Variants in DOCK5 observed in about 807,000 individuals in gnomAD.
The protein encoded by DOCK5 is dedicator of cytokinesis 5.
A neutral mutation model predicts 251.8 loss-of-function variants in DOCK5; 142 were observed. That is an observed-to-expected ratio of 0.56 (90% CI 0.49 to 0.65). DOCK5 has a LOEUF of 0.65. Ranked by LOEUF, DOCK5 falls within the 30% of genes least tolerant of loss-of-function variation. The probability of loss-of-function intolerance (pLI) is 0.00; values close to 1 mark genes in which losing one functional copy is unlikely to be tolerated. For synonymous variants in DOCK5, 842 were observed against 835.5 expected (o/e 1.01, Z -0.13); for missense variants, 2,111 against 2,312.3 (o/e 0.91, Z 1.79).
intron 2 of DOCK5, among the ~76,000 whole-genome samples, chr8:25,264,060 G>A (rs986619323): frequency 6.6e-6 from 1 of 151,818 alleles, no homozygotes; most frequent in Admixed American, 6.6e-5. Flanking sequence ...AGCAACTCCT[G>A]TTGATTCATA....
At chr8:25,392,913 AAACTTTC>A in intron 44 of DOCK5, 31 bp downstream of exon 44, 1 of 1,548,120 alleles carries the variant, frequency 6.5e-7, no homozygotes, top group Non-Finnish European at 8.8e-7. Context: ...ATTTAGAAAA[AAACTTTC>A]TGTTTCCAAA....
At chr8:25,192,302 G>C (rs1350546977) in intron 1 of DOCK5, among the ~76,000 whole-genome samples, 1 of 152,046 alleles carries the variant, frequency 6.6e-6, no homozygotes, top group Admixed American at 6.6e-5. Context: ...GGGATGGCTG[G>C]GTCAAATGGT....
At position 25,319,580 on chromosome 8, in the gene DOCK5, A is replaced by G. The variant is rs1422465330; in HGVS notation, c.1446A>G (p.Lys482=). The G allele has an allele frequency of 6.4e-7, 1 of 1,573,682 alleles. No homozygotes were observed. The highest frequency in any genetic ancestry group is 1.2e-5 in the South Asian group (1 of 85,396). ...TAATTTTTTCCTTCCATCTGAAGAA[A>G]GCAATTCACCCTGGTGCTGGATATG... ...VHDEEGKLLE[K]AIHPGAGYEG... The change falls in exon 15 of 52, where the codon AAA becomes AAG. Residue 482 remains lysine (K), a splice_region_variant and synonymous_variant. Transcript: ENST00000276440.
At chr8:25,332,945 T>A (rs1805715614) in intron 20 of DOCK5, among the ~76,000 whole-genome samples, 1 of 152,340 alleles carries the variant, frequency 6.6e-6, no homozygotes, top group African/African-American at 2.4e-5. Context: ...AGATGTTTTA[T>A]TTTTATTAGA....
chr8:25,381,262 C>G (rs953807588), intron 39 of DOCK5, among the ~76,000 whole-genome samples: 1 of 152,220 alleles, frequency 6.6e-6, no homozygotes, highest in African/African-American at 2.4e-5. Context: ...GTCAAGATCA[C>G]TTTGTAAAAA....
chr8:25,319,536 AAAC>A, intron 14 of DOCK5, 39 bp from the exon 15 acceptor site: 3 of 1,475,082 alleles, frequency 2.0e-6, no homozygotes, highest in Non-Finnish European at 2.8e-6. Context: ...TTACTTTTCT[AAAC>A]AAAATTATTC....
At chr8:25,272,773 A>C (rs1803942866) in intron 3 of DOCK5, among the ~76,000 whole-genome samples, 1 of 152,154 alleles carries the variant, frequency 6.6e-6, no homozygotes, top group Non-Finnish European at 1.5e-5. Flanking sequence ...GTACATTCTC[A>C]TTGTTGTGCA....
At chr8:25,378,709 C>T (rs1420919953) in intron 38 of DOCK5, among the ~76,000 whole-genome samples, 1 of 152,210 alleles carries the variant, frequency 6.6e-6, no homozygotes, top group Non-Finnish European at 1.5e-5. Context: ...GTTATACATG[C>T]TCGGAGGCAT....
chr8:25,259,430 TTTTC>T (rs923717385), intron 2 of DOCK5, among the ~76,000 whole-genome samples: 2 of 152,034 alleles, frequency 1.3e-5, no homozygotes, highest in African/African-American at 4.8e-5. Context: ...CTTAACTATG[TTTTC>T]TTTCTTTAAT....
In DOCK5 at chr8:25,275,415, G is replaced by A; in HGVS notation, c.198G>A (p.Leu66=). 1 of 1,610,052 alleles carries A rather than the reference G, an allele frequency of 6.2e-7. No individual in the cohort carries two copies. Among genetic ancestry groups the A allele is most frequent in the Non-Finnish European group, 8.5e-7 (1 of 1,178,858 alleles). The change falls in exon 4 of 52, where the codon TTG becomes TTA. Residue 66 remains leucine, a synonymous_variant. Coordinates refer to ENST00000276440, the MANE Select transcript of DOCK5 (RefSeq NM_024940.8). Reference sequence around the variant, plus strand: ...TTTTCCCTGAAACATATATCCATTTGAAAGAGGCAACTGTGGAAGACCTGG... The same window carrying A: ...TTTTCCCTGAAACATATATCCATTTAAAAGAGGCAACTGTGGAAGACCTGG... ...KGIFPETYIH[L]KEATVEDLGQ...
Position 25,411,271 on chromosome 8 carries a change from C to T in DOCK5, c.5586C>T (p.Ile1862=), listed in dbSNP as rs1216709636. Residue 1862 remains isoleucine (I), a synonymous_variant, in exon 52 of 52, where the codon ATC becomes ATT. Coordinates refer to ENST00000276440, the MANE Select transcript of DOCK5 (RefSeq NM_024940.8). ...PPPPKARKSG[I]PTSEPGSQ is the part of the protein sequence containing the mutation. Reference sequence around the variant, plus strand: ...CTCCAAAGGCTCGGAAGTCTGGCATCCCTACTTCCGAGCCTGGATCCCAGT... The same window carrying T: ...CTCCAAAGGCTCGGAAGTCTGGCATTCCTACTTCCGAGCCTGGATCCCAGT... 3 of 1,573,130 alleles carry T rather than the reference C, an allele frequency of 1.9e-6. No individual in the cohort carries two copies. Among genetic ancestry groups the T allele is most frequent in the Admixed American group, 1.9e-5 (1 of 53,968 alleles).
At chr8:25,254,612 A>G (rs1261571014) in intron 2 of DOCK5, among the ~76,000 whole-genome samples, 1 of 151,722 alleles carries the variant, frequency 6.6e-6, no homozygotes, top group Non-Finnish European at 1.5e-5. Flanking sequence ...CGTCTCTACT[A>G]AAAATGCTAA....
At chr8:25,256,991 G>A (rs1051611953) in intron 2 of DOCK5, among the ~76,000 whole-genome samples, 2 of 151,796 alleles carry the variant, frequency 1.3e-5, no homozygotes, top group African/African-American at 4.8e-5. Flanking sequence ...TTCATATCAG[G>A]TACTATAGTC....
At chr8:25,410,710 A>C (rs5890232) in intron 51 of DOCK5, among the ~76,000 whole-genome samples, 24,781 of 125,114 alleles carry the variant, frequency 0.2, 2,460 homozygotes, top group East Asian at 0.24. Flanking sequence ...GATCCCCCCC[A>C]CCCACCTCAG....
intron 27 of DOCK5, among the ~76,000 whole-genome samples, chr8:25,357,181 A>T (rs1800591086): frequency 6.6e-6 from 1 of 151,382 alleles, no homozygotes; most frequent in South Asian, 2.1e-4. Context: ...GTGAGATTAA[A>T]CCTCTGAGTA....
chr8:25,381,643 T>A (rs939581465), intron 39 of DOCK5, among the ~76,000 whole-genome samples: 18 of 151,162 alleles, frequency 1.2e-4, no homozygotes, highest in Non-Finnish European at 1.8e-4. Flanking sequence ...AAAAAAAAAA[T>A]TTCATCAACT....
chr8:25,405,925 A>G (rs1801514559), intron 48 of DOCK5, among the ~76,000 whole-genome samples: 1 of 152,206 alleles, frequency 6.6e-6, no homozygotes, highest in Non-Finnish European at 1.5e-5. Flanking sequence ...AAGCTCAGGT[A>G]TATAATATCA....
intron 11 of DOCK5, among the ~76,000 whole-genome samples, chr8:25,308,408 CTCACTA>C (rs1439152161): frequency 6.6e-6 from 1 of 152,058 alleles, no homozygotes; most frequent in African/African-American, 2.4e-5. Context: ...TCTTGCAGAG[CTCACTA>C]TCAAGCAGAA....
At chr8:25,315,765 G>A (rs1805230951) in intron 13 of DOCK5, among the ~76,000 whole-genome samples, 1 of 152,226 alleles carries the variant, frequency 6.6e-6, no homozygotes, top group Non-Finnish European at 1.5e-5. Context: ...CAAAGAGTGT[G>A]TCAAGTAAGA....
Sources: gnomAD v4.1 joint callset for allele counts (sites outside exome capture counted in the v4.1 genomes callset) on GRCh38, gnomAD v4.1.1 for gene constraint, MANE v1.5 for transcripts, NCBI Gene and HGNC (gene_info 2026-07-23, HGNC 2026-07-21) for gene names.